The following RAB31 variants were observed in gnomAD, a reference collection of about 807,000 sequenced individuals.
RAB31 encodes the protein ras-related protein Rab-31.
A neutral mutation model predicts 25.6 loss-of-function variants in RAB31; 21 were observed. The ratio of observed to expected loss-of-function variants is 0.82; its 90% CI spans 0.58 to 1.18. The LOEUF is 1.18. Ranked by LOEUF, RAB31 falls within the 50% of genes most tolerant of loss-of-function variation. RAB31 has a pLI of 0.00. For synonymous variants in RAB31, 87 were observed against 84.0 expected, an observed-to-expected ratio of 1.04 and a Z score of -0.20; for missense variants, 196 against 250.1, an observed-to-expected ratio of 0.78 and a Z score of 1.46.
chr18:9,745,599 G>T (rs1184916974), intron 1 of RAB31, among the ~76,000 whole-genome samples: 1 of 152,174 alleles, frequency 6.6e-6, no homozygotes, highest in African/African-American at 2.4e-5. Context: ...ACCAGATGGG[G>T]TTTATCCCAG....
intron 1 of RAB31, among the ~76,000 whole-genome samples, chr18:9,711,318 C>T (rs1156352419): frequency 6.6e-6 from 1 of 152,034 alleles, no homozygotes; most frequent in African/African-American, 2.4e-5. Flanking sequence ...GGTTTATTCT[C>T]TTGATTCGAG....
intron 2 of RAB31, among the ~76,000 whole-genome samples, chr18:9,777,233 C>T (rs7243223): frequency 0.53 from 81,084 of 151,852 alleles, 21,783 homozygotes; most frequent in African/African-American, 0.59. Flanking sequence ...CCCAGCTACT[C>T]GGAAGGCTGA....
chr18:9,859,113 A>G, intron 6 of RAB31, 115 bp from the exon 7 acceptor site: 1 of 775,404 alleles, frequency 1.3e-6, no homozygotes, highest in Non-Finnish European at 2.1e-6. Context: ...CCCTCCAGGA[A>G]CACCTTTATT....
At chr18:9,754,508 G>A (rs1420141065) in intron 1 of RAB31, among the ~76,000 whole-genome samples, 1 of 152,110 alleles carries the variant, frequency 6.6e-6, no homozygotes, top group African/African-American at 2.4e-5. Flanking sequence ...TCGAACTTCT[G>A]ACCTCAAGTG....
intron 1 of RAB31, chr18:9,725,994 CTA>C (rs1219106407): frequency 6.6e-6 from 1 of 152,142 alleles, no homozygotes; most frequent in Non-Finnish European, 1.5e-5. Flanking sequence ...TCAAATAACT[CTA>C]TGTGGTTGGC....
At chr18:9,797,243 C>T (rs989054120) in intron 3 of RAB31, 2 of 152,180 alleles carry the variant, frequency 1.3e-5, no homozygotes, top group African/African-American at 4.8e-5. Flanking sequence ...GTTATGTAAA[C>T]TTAAACAGAG....
intron 5 of RAB31, among the ~76,000 whole-genome samples, chr18:9,819,121 C>T (rs890757561): frequency 6.6e-6 from 1 of 152,134 alleles, no homozygotes; most frequent in Non-Finnish European, 1.5e-5. Context: ...TTATGTCCAG[C>T]TTATCATGTT....
chr18:9,797,726 A>C (rs1038690231), intron 3 of RAB31, among the ~76,000 whole-genome samples: 1 of 152,208 alleles, frequency 6.6e-6, no homozygotes, highest in African/African-American at 2.4e-5. Context: ...CGTTCTTCAG[A>C]TATCTCTACG....
rs76909431 is a variant in RAB31, at chr18:9,809,022, C to A, written c.202-4998C>A. On this transcript the variant is annotated intron_variant, in intron 3 of 6. Coordinates refer to ENST00000578921, the MANE Select transcript of RAB31 (RefSeq NM_006868.4). The stretch of plus-strand genomic sequence containing the variant: ...AGGAGATTTCCTGGAATAAGACTTT[C>A]CACTGTGCTGCTGAGGGGTGTGTGT... Among the ~76,000 whole-genome samples the A allele has an allele frequency of 5.9e-3, 723 of 123,422 alleles. 1 individual carries two copies. Among genetic ancestry groups the A allele is most frequent in the South Asian group, 0.013 (43 of 3,260 alleles). The allele number at this position is 123,422 out of a possible 152,430, so 81.0% of individuals were successfully genotyped here. A position where few individuals can be genotyped will look rare whatever the true frequency, so the allele number is the denominator to read the frequency against.
rs1024326082 is a variant in RAB31 at position 9,771,870 on chromosome 18, A to G, written c.40-3408A>G. 2.0e-5 allele frequency among the ~76,000 whole-genome samples: 3 copies of G among 152,246 alleles called. No homozygotes were observed. The East Asian group carries it at 5.8e-4, about 29-fold the overall frequency. On this transcript the variant is annotated intron_variant, in intron 1 of 6. Coordinates refer to ENST00000578921, the MANE Select transcript of RAB31 (RefSeq NM_006868.4). ...TCAAGTGTGTAAGAATGTACATTTG[A>G]CAGTGCATTCTAAAAGAGGTGAGAG... is the stretch of plus-strand genomic sequence containing the variant.
At chr18:9,814,164 C>A in intron 4 of RAB31, 73 bp downstream of exon 4, 2 of 1,154,360 alleles carry the variant, frequency 1.7e-6, no homozygotes, top group South Asian at 1.3e-5. Context: ...GGAGCAGAGA[C>A]GTCACTGCTT....
At chr18:9,834,816 C>G (rs1383652327) in intron 5 of RAB31, among the ~76,000 whole-genome samples, 2 of 152,158 alleles carry the variant, frequency 1.3e-5, no homozygotes, top group African/African-American at 4.8e-5. Context: ...ACAGAGTAAT[C>G]TCTTTTGCCT....
chr18:9,775,550 A>ATT (rs11369597), intron 2 of RAB31, among the ~76,000 whole-genome samples, 193 bp downstream of exon 2: 19 of 150,064 alleles, frequency 1.3e-4, no homozygotes, highest in South Asian at 4.2e-4. Context: ...CCTGTCGGTC[A>ATT]TTTTTTTTTT....
chr18:9,756,901 C>A (rs1352514373), intron 1 of RAB31, among the ~76,000 whole-genome samples: 1 of 152,242 alleles, frequency 6.6e-6, no homozygotes, highest in African/African-American at 2.4e-5. Flanking sequence ...AACGAAGTAA[C>A]TGATGGTGCC....
intron 2 of RAB31, among the ~76,000 whole-genome samples, chr18:9,791,388 CTTTTTTTTTTTTTT>C (rs35523044): frequency 6.7e-5 from 4 of 59,572 alleles, no homozygotes; most frequent in Admixed American, 4.5e-4. Context: ...GAAACACAGT[CTTTTTTTTTTTTTT>C]TTTTTTTTTT....
rs373612034 is a variant in RAB31, at chr18:9,734,379, G to C, written c.39+25935G>C. On this transcript the variant is annotated intron_variant, in intron 1 of 6. Transcript: ENST00000578921. ...GCCTATGGACTCCAGCGATTGTGTT[G>C]TGAAGCCACCACACCCGCTGCCTTT... 1.1e-4 allele frequency among the ~76,000 whole-genome samples: 17 copies of C among 152,306 alleles called. No homozygotes were observed. In the South Asian group the frequency reaches 2.5e-3, roughly 22 times the overall value.
chr18:9,770,333 C>T (rs1015653859), intron 1 of RAB31, among the ~76,000 whole-genome samples: 1 of 152,156 alleles, frequency 6.6e-6, no homozygotes, highest in African/African-American at 2.4e-5. Flanking sequence ...AAGGCCGTTG[C>T]AGGAGTCCAG....
chr18:9,784,079 C>G (rs973049921), intron 2 of RAB31, among the ~76,000 whole-genome samples: 3 of 152,158 alleles, frequency 2.0e-5, no homozygotes, highest in Non-Finnish European at 4.4e-5. Context: ...CTGTGTCACC[C>G]AAGCTGGAGT....
intron 1 of RAB31, among the ~76,000 whole-genome samples, chr18:9,744,602 C>T (rs954265128): frequency 2.6e-5 from 4 of 152,070 alleles, no homozygotes; most frequent in African/African-American, 9.7e-5. Flanking sequence ...CCTGGTTAAC[C>T]AGTGACAAGA....
Sources: gnomAD v4.1 joint callset for allele counts (sites outside exome capture counted in the v4.1 genomes callset) on GRCh38, gnomAD v4.1.1 for gene constraint, MANE v1.5 for transcripts, NCBI Gene and HGNC (gene_info 2026-07-23, HGNC 2026-07-21) for gene names.